Variants in ARHGAP12 observed in about 807,000 individuals in gnomAD.
ARHGAP12 encodes Rho GTPase activating protein 12.
Under a neutral mutation model 108.6 loss-of-function variants are expected in ARHGAP12, and 64 were observed. The ratio of observed to expected loss-of-function variants is 0.59; its 90% CI spans 0.48 to 0.73. The LOEUF (loss-of-function observed/expected upper bound fraction) is 0.73, where lower values mean the gene tolerates loss of function less well. Ranked by LOEUF, ARHGAP12 falls within the 30% of genes least tolerant of loss-of-function variation. The pLI is 0.00. For missense variants in ARHGAP12, 940 were observed against 1,005.9 expected (o/e 0.93, Z 0.89); for synonymous variants, 312 against 337.2 (o/e 0.93, Z 0.82).
chr10:31,852,315 G>C (rs1836712699), intron 6 of ARHGAP12, among the ~76,000 whole-genome samples: 1 of 152,062 alleles, frequency 6.6e-6, no homozygotes, highest in Admixed American at 6.6e-5. Flanking sequence ...ATTCTGAATA[G>C]CAACAATCAG....
chr10:31,835,389 G>A (rs1243812426), intron 9 of ARHGAP12, among the ~76,000 whole-genome samples: 1 of 152,054 alleles, frequency 6.6e-6, no homozygotes, highest in Non-Finnish European at 1.5e-5. Flanking sequence ...GTTGGTCTAA[G>A]TATTTGATAC....
chr10:31,808,908 A>T, intron 18 of ARHGAP12, 86 bp downstream of exon 18: 2 of 1,408,136 alleles, frequency 1.4e-6, no homozygotes, highest in Non-Finnish European at 1.9e-6. Flanking sequence ...ATACTTGCTT[A>T]AAGTAAGATA....
chr10:31,833,809 A>G (rs1835918223), intron 9 of ARHGAP12, among the ~76,000 whole-genome samples: 2 of 152,164 alleles, frequency 1.3e-5, no homozygotes, highest in African/African-American at 2.4e-5. Flanking sequence ...AAAACAACCA[A>G]CAGTGAAAGG....
intron 3 of ARHGAP12, among the ~76,000 whole-genome samples, chr10:31,907,604 A>T (rs1427666215): frequency 6.6e-6 from 1 of 151,252 alleles, no homozygotes; most frequent in Non-Finnish European, 1.5e-5. Flanking sequence ...ACTGTATTAT[A>T]GCCTAGGCAA....
intron 9 of ARHGAP12, among the ~76,000 whole-genome samples, chr10:31,838,960 G>A (rs1276208545): frequency 6.6e-6 from 1 of 151,902 alleles, no homozygotes; most frequent in Non-Finnish European, 1.5e-5. Context: ...AGGCTGCAGT[G>A]AGCTATGATG....
intron 3 of ARHGAP12, among the ~76,000 whole-genome samples, chr10:31,864,803 C>T (rs1451477344): frequency 1.3e-5 from 2 of 152,138 alleles, no homozygotes; most frequent in Admixed American, 6.5e-5. Context: ...GGTGATTAGG[C>T]TACAAATTAT....
chr10:31,875,423 A>G (rs950444474), intron 3 of ARHGAP12, among the ~76,000 whole-genome samples: 3 of 152,212 alleles, frequency 2.0e-5, no homozygotes, highest in African/African-American at 4.8e-5. Context: ...GCTTAGAATT[A>G]TAATTCTCAT....
At chr10:31,840,617 CG>C (rs1385736766) in intron 7 of ARHGAP12, among the ~76,000 whole-genome samples, 2 of 152,184 alleles carry the variant, frequency 1.3e-5, no homozygotes, top group African/African-American at 2.4e-5. Context: ...TTCATCTCCA[CG>C]TAGGTATCAT....
intron 3 of ARHGAP12, among the ~76,000 whole-genome samples, chr10:31,889,407 A>G (rs1347824280): frequency 6.6e-6 from 1 of 152,168 alleles, no homozygotes; most frequent in Non-Finnish European, 1.5e-5. Flanking sequence ...CTGTGCAAAA[A>G]AGTACAACAC....
intron 3 of ARHGAP12, among the ~76,000 whole-genome samples, chr10:31,878,782 A>G (rs1837830544): frequency 6.6e-6 from 1 of 152,200 alleles, no homozygotes; most frequent in South Asian, 2.1e-4. Context: ...AAAACCTAAA[A>G]TGTTTGTTAC....
At chr10:31,928,182 A>G (rs1840137251) in intron 1 of ARHGAP12, among the ~76,000 whole-genome samples, 1 of 151,654 alleles carries the variant, frequency 6.6e-6, no homozygotes, top group South Asian at 2.1e-4. Context: ...GCGCACACAC[A>G]CACACACACA....
chr10:31,894,453 A>T (rs1838591066), intron 3 of ARHGAP12, among the ~76,000 whole-genome samples: 1 of 152,122 alleles, frequency 6.6e-6, no homozygotes, highest in Non-Finnish European at 1.5e-5. Flanking sequence ...ATACACCAAT[A>T]ACAGACAAAC....
intron 13 of ARHGAP12, among the ~76,000 whole-genome samples, chr10:31,815,008 T>C (rs941776599): frequency 3.3e-5 from 5 of 150,878 alleles, no homozygotes; most frequent in Admixed American, 3.3e-4. Context: ...TAGTCCCAGC[T>C]ACTTGGGAGG....
intron 7 of ARHGAP12, among the ~76,000 whole-genome samples, chr10:31,840,746 CT>C (rs1836232902): frequency 6.6e-6 from 1 of 152,050 alleles, no homozygotes; most frequent in Non-Finnish European, 1.5e-5. Flanking sequence ...GGAAAAATGT[CT>C]TCGGGTTTAT....
chr10:31,819,669 A>G (rs1835337203), intron 12 of ARHGAP12, among the ~76,000 whole-genome samples: 1 of 152,166 alleles, frequency 6.6e-6, no homozygotes, highest in Admixed American at 6.5e-5. Flanking sequence ...AGAATGAAAG[A>G]TCTTGCGGAC....
intron 1 of ARHGAP12, among the ~76,000 whole-genome samples, chr10:31,920,520 C>T (rs983396162): frequency 6.7e-6 from 1 of 148,630 alleles, no homozygotes; most frequent in Non-Finnish European, 1.5e-5. Context: ...TGAACTATTA[C>T]CAATCCCTCA....
intron 3 of ARHGAP12, among the ~76,000 whole-genome samples, chr10:31,905,012 TG>T (rs1163793526): frequency 3.3e-5 from 5 of 152,066 alleles, no homozygotes; most frequent in Admixed American, 6.6e-5. Flanking sequence ...TCAGTAGTGA[TG>T]TAAGTCAGGA....
chr10:31,865,007 G>A (rs1269383005), intron 3 of ARHGAP12, among the ~76,000 whole-genome samples: 1 of 152,150 alleles, frequency 6.6e-6, no homozygotes, highest in Non-Finnish European at 1.5e-5. Flanking sequence ...GGAAACAGCA[G>A]GGAGGAAGAA....
chr10:31,894,803 C>G (rs1345995200), intron 3 of ARHGAP12, among the ~76,000 whole-genome samples: 1 of 152,144 alleles, frequency 6.6e-6, no homozygotes, highest in African/African-American at 2.4e-5. Flanking sequence ...CAATCCTAAG[C>G]CAAAAGTACA....
Sources: allele counts gnomAD v4.1 joint callset (sites outside exome capture counted in the v4.1 genomes callset), GRCh38; gene constraint gnomAD v4.1.1; transcripts MANE v1.5; gene names NCBI Gene and HGNC (gene_info 2026-07-23, HGNC 2026-07-21).